The following XRN1 variants were observed in gnomAD, a reference collection of about 807,000 sequenced individuals.
XRN1 encodes 5'-3' exoribonuclease 1.
Under a neutral mutation model 222.3 loss-of-function variants are expected in XRN1, and 67 were observed. The ratio of observed to expected loss-of-function variants is 0.30; its 90% CI spans 0.25 to 0.37. XRN1 has a LOEUF of 0.37. Ranked by LOEUF, XRN1 falls within the 10% of genes least tolerant of loss-of-function variation. The pLI, the probability that XRN1 is intolerant of heterozygous loss-of-function variation, is 1.00. For missense variants in XRN1, 1,707 were observed against 2,000.2 expected, an observed-to-expected ratio of 0.85 and a Z score of 2.80; for synonymous variants, 643 against 652.4, an observed-to-expected ratio of 0.99 and a Z score of 0.22.
In XRN1 at chr3:142,423,601, G is replaced by C. The variant is rs942573614; in HGVS notation, c.669C>G (p.Leu223=). ...GLTSHEAHFS[L]LREEVRFGGK... The stretch of plus-strand genomic sequence containing the variant: ...CACCAAATCGAACTTCTTCTCTTAA[G>C]AGAGAAAAATGTGCCTCATGACTTG... Residue 223 remains leucine, a synonymous_variant, in exon 6 of 41, where the codon CTC becomes CTG. Transcript: ENST00000392981. The C allele has an allele frequency of 1.9e-6, 3 of 1,600,518 alleles. No homozygotes were observed. In the African/African-American group the frequency reaches 4.0e-5, roughly 22 times the overall value.
chr3:142,416,325 G>A (rs1367612181), intron 13 of XRN1, among the ~76,000 whole-genome samples: 1 of 152,098 alleles, frequency 6.6e-6, no homozygotes, highest in Admixed American at 6.6e-5. Flanking sequence ...TGGGACTACA[G>A]AGGCACACCA....
chr3:142,386,227 T>C (rs1008285566), intron 20 of XRN1, among the ~76,000 whole-genome samples: 1 of 152,024 alleles, frequency 6.6e-6, no homozygotes, highest in Admixed American at 6.5e-5. Flanking sequence ...TTTCAGGAAA[T>C]CTTTATAATT....
At chr3:142,344,099 G>A (rs571653293) in intron 33 of XRN1, among the ~76,000 whole-genome samples, 4 of 152,006 alleles carry the variant, frequency 2.6e-5, no homozygotes, top group African/African-American at 9.6e-5. Flanking sequence ...AGAGTAGTGG[G>A]GGGGAGGGGT....
chr3:142,328,744 T>TGTTTC (rs1311223492), intron 37 of XRN1, among the ~76,000 whole-genome samples: 12 of 58,420 alleles, frequency 2.1e-4, no homozygotes, highest in African/African-American at 3.8e-4. Flanking sequence ...TATATATATA[T>TGTTTC]ATATATATAT....
At chr3:142,423,815 AC>A (rs1468521826) in intron 5 of XRN1, among the ~76,000 whole-genome samples, 173 bp from the exon 6 acceptor site, 3 of 152,334 alleles carry the variant, frequency 2.0e-5, no homozygotes, top group Non-Finnish European at 2.9e-5. Flanking sequence ...GATAAAGTGT[AC>A]TTTTCTAAGA....
intron 37 of XRN1, among the ~76,000 whole-genome samples, chr3:142,321,702 G>C (rs2065361696): frequency 6.6e-6 from 1 of 152,038 alleles, no homozygotes; most frequent in African/African-American, 2.4e-5. Flanking sequence ...TTATTCCTTA[G>C]CATTTTATTA....
At chr3:142,425,934 C>CAAT (rs199772346) in intron 3 of XRN1, among the ~76,000 whole-genome samples, 1 of 151,066 alleles carries the variant, frequency 6.6e-6, no homozygotes, top group East Asian at 1.9e-4. Context: ...ATCAGATTGT[C>CAAT]AATAATAATA....
chr3:142,314,836 T>C (rs2065163339), intron 39 of XRN1, among the ~76,000 whole-genome samples: 2 of 139,236 alleles, frequency 1.4e-5, no homozygotes, highest in South Asian at 2.2e-4. Context: ...CCCAAGGAGG[T>C]TGAGGCTGCA....
rs772872338 is a variant in XRN1, at chr3:142,309,361, C to T, written c.*2150G>A. On this transcript the variant is annotated 3_prime_UTR_variant, in exon 41 of 41. Transcript: ENST00000392981. ...GCCTCAGCCTCCCGAGTAGCTGGGA[C>T]TAAAGGCATGTGCCATCACGCCCGG... is the stretch of plus-strand genomic sequence containing the variant. 4 of 152,092 alleles carry T rather than the reference C, an allele frequency of 2.6e-5. No individual in the cohort carries two copies. The highest frequency in any genetic ancestry group is 5.9e-5 in the Non-Finnish European group (4 of 68,088). The allele number at this position is 152,092 out of a possible 1,614,324, so 9.4% of individuals were successfully genotyped here.
At chr3:142,363,468 G>T (rs1421042528) in intron 29 of XRN1, among the ~76,000 whole-genome samples, 1 of 152,038 alleles carries the variant, frequency 6.6e-6, no homozygotes, top group Non-Finnish European at 1.5e-5. Flanking sequence ...ACAGGTTTGG[G>T]TCTATTTCGG....
chr3:142,385,817 C>T (rs576817876), intron 20 of XRN1, among the ~76,000 whole-genome samples: 1 of 151,926 alleles, frequency 6.6e-6, no homozygotes, highest in South Asian at 2.1e-4. Context: ...TGAAGGAATT[C>T]CTAAGGTTGA....
At chr3:142,359,373 G>A (rs73238158) in intron 30 of XRN1, among the ~76,000 whole-genome samples, 19,565 of 151,942 alleles carry the variant, frequency 0.13, 1,275 homozygotes, top group Non-Finnish European at 0.14. Context: ...CACTAAAATT[G>A]GTGACAAAGA....
At position 142,329,142 on chromosome 3, in the gene XRN1, A is replaced by C. The variant is rs113096323; in HGVS notation, c.4404+292T>G. Among the ~76,000 whole-genome samples the C allele has an allele frequency of 4.8e-4, 73 of 152,126 alleles. 1 individual carries two copies. The highest frequency in any genetic ancestry group is 1.5e-3 in the African/African-American group (64 of 41,512). ...TTGGGGTCCTCCAAAAAAAGTGTGA[A>C]GTTTCTGAGACCAAAAAGTTTGAAA... On this transcript the variant is annotated intron_variant, in intron 37 of 40. Transcript: ENST00000392981.
chr3:142,307,324 C>A lies in XRN1; in HGVS notation c.*4187G>T, dbSNP rs1455507599. On this transcript the variant is annotated 3_prime_UTR_variant, in exon 41 of 41. Coordinates refer to ENST00000392981, the MANE Select transcript of XRN1 (RefSeq NM_001282857.2). ...TTGGCCTGGACAATTTAATAGTATA[C>A]CAACTGCTGAAACAACCAAGTGCAG... 1 of 151,796 alleles carries A rather than the reference C, an allele frequency of 6.6e-6. No homozygotes were observed. The highest frequency in any genetic ancestry group is 1.5e-5 in the Non-Finnish European group (1 of 67,958). 9.4% of individuals were successfully genotyped at this position (151,796 alleles called of 1,614,324 possible).
At chr3:142,432,521 A>C in intron 2 of XRN1, 140 bp downstream of exon 2, 1 of 770,052 alleles carries the variant, frequency 1.3e-6, no homozygotes, top group South Asian at 2.1e-5. Flanking sequence ...GTAAAATATG[A>C]CACTGAGATA....
chr3:142,405,677 A>G lies in XRN1; in HGVS notation c.1714-601T>C, dbSNP rs2068310314. On this transcript the variant is annotated intron_variant, in intron 15 of 40. Transcript: ENST00000392981. ...TGACACTACAAGAGACCCACAGACC[A>G]GAAGAACAGAATAGAGTTCAATAAT... is the stretch of plus-strand genomic sequence containing the variant. 2.0e-5 allele frequency among the ~76,000 whole-genome samples: 3 copies of G among 152,202 alleles called. No homozygotes were observed. In the South Asian group the frequency reaches 6.2e-4, roughly 31 times the overall value.
At chr3:142,410,947 A>T (rs1257667672) in intron 15 of XRN1, among the ~76,000 whole-genome samples, 2 of 152,202 alleles carry the variant, frequency 1.3e-5, no homozygotes, top group Non-Finnish European at 2.9e-5. Context: ...CTGTTTTCTG[A>T]AAGTTTGTGT....
intron 33 of XRN1, among the ~76,000 whole-genome samples, chr3:142,337,486 T>A (rs1415035691): frequency 6.6e-6 from 1 of 152,100 alleles, no homozygotes; most frequent in Non-Finnish European, 1.5e-5. Context: ...GTTGAATAAA[T>A]AAACGAATAA....
chr3:142,356,835 G>T, intron 31 of XRN1, 77 bp downstream of exon 31: 1 of 1,456,730 alleles, frequency 6.9e-7, no homozygotes, highest in African/African-American at 1.4e-5. Context: ...GTTAAATTAG[G>T]TTTACATTTA....
Sources: allele counts gnomAD v4.1 joint callset (sites outside exome capture counted in the v4.1 genomes callset), GRCh38; gene constraint gnomAD v4.1.1; transcripts MANE v1.5; gene names NCBI Gene and HGNC (gene_info 2026-07-23, HGNC 2026-07-21).